The following GALNT2 variants were observed in gnomAD, a reference collection of about 807,000 sequenced individuals.
The protein encoded by GALNT2 is UDP-GalNAc:polypeptide N-acetylgalactosaminyltransferase 2.
In GALNT2, 31 loss-of-function variants were observed where a neutral mutation model predicts 81.4. The observed-to-expected ratio is 0.38, with a 90% CI of 0.29 to 0.51. The LOEUF (loss-of-function observed/expected upper bound fraction) is 0.51, where lower values mean the gene tolerates loss of function less well. Ranked by LOEUF, GALNT2 falls within the 20% of genes least tolerant of loss-of-function variation. The probability of loss-of-function intolerance (pLI) is 0.87; values close to 1 mark genes in which losing one functional copy is unlikely to be tolerated. For missense variants in GALNT2, 629 were observed against 765.7 expected, an observed-to-expected ratio of 0.82 and a Z score of 2.11; for synonymous variants, 303 against 287.4, an observed-to-expected ratio of 1.05 and a Z score of -0.55.
At chr1:230,185,301 T>TGTGTGTGTGTGCGCGCGC (rs58770415) in intron 2 of GALNT2, among the ~76,000 whole-genome samples, 6 of 126,012 alleles carry the variant, frequency 4.8e-5, no homozygotes, top group African/African-American at 1.4e-4. Context: ...TGTGTGTGTG[T>TGTGTGTGTGTGCGCGCGC]GCGCGCGTGT....
At chr1:230,204,512 G>A (rs73114030) in intron 3 of GALNT2, among the ~76,000 whole-genome samples, 2 of 151,946 alleles carry the variant, frequency 1.3e-5, no homozygotes, top group Non-Finnish European at 2.9e-5. Flanking sequence ...GTACTTTGGG[G>A]TCTATGAAGC....
chr1:230,243,000 A>G (rs569919010), intron 6 of GALNT2, among the ~76,000 whole-genome samples: 10 of 152,372 alleles, frequency 6.6e-5, no homozygotes, highest in Non-Finnish European at 1.2e-4. Flanking sequence ...GAATGTAGTT[A>G]TAAAAGTTCC....
In GALNT2 at chr1:230,239,670, T is replaced by C. The variant is rs547039723; in HGVS notation, c.607+2945T>C. On this transcript the variant is annotated intron_variant, in intron 6 of 15. Coordinates refer to ENST00000366672, the MANE Select transcript of GALNT2 (RefSeq NM_004481.5). ...CATTTACATGTGGCGTAATCATTGG[T>C]GTGACTAGGTTTGGGTCTGCTCTTC... Among the ~76,000 whole-genome samples the C allele has an allele frequency of 3.3e-5, 5 of 152,364 alleles. No homozygotes were observed. The East Asian group carries it at 9.6e-4, about 29-fold the overall frequency.
intron 2 of GALNT2, among the ~76,000 whole-genome samples, chr1:230,188,156 A>T (rs1053671468): frequency 2.6e-5 from 4 of 152,202 alleles, no homozygotes; most frequent in Admixed American, 2.0e-4. Context: ...AAAATACTTG[A>T]CAATGTCTGT....
At chr1:230,214,607 G>A (rs186687331) in intron 3 of GALNT2, among the ~76,000 whole-genome samples, 2 of 151,928 alleles carry the variant, frequency 1.3e-5, no homozygotes, top group Non-Finnish European at 2.9e-5. Flanking sequence ...CTTTTTTTCA[G>A]CAATTTTGCC....
chr1:230,173,854 C>G (rs1364138552), intron 1 of GALNT2, among the ~76,000 whole-genome samples: 1 of 152,098 alleles, frequency 6.6e-6, no homozygotes, highest in Non-Finnish European at 1.5e-5. Context: ...AAAACTTCCA[C>G]TGCAGAGTAG....
intron 2 of GALNT2, among the ~76,000 whole-genome samples, chr1:230,202,922 C>A (rs1320126926): frequency 6.6e-6 from 1 of 152,218 alleles, no homozygotes; most frequent in Non-Finnish European, 1.5e-5. Flanking sequence ...CTTTAACTTT[C>A]ATGCTGTAAA....
intron 1 of GALNT2, among the ~76,000 whole-genome samples, chr1:230,113,957 G>A (rs559030069): frequency 2.0e-5 from 3 of 152,110 alleles, no homozygotes; most frequent in South Asian, 2.1e-4. Flanking sequence ...TCTGACTCAC[G>A]GGGTGAGGCA....
chr1:230,185,999 C>T (rs1389219016), intron 2 of GALNT2, among the ~76,000 whole-genome samples: 1 of 152,196 alleles, frequency 6.6e-6, no homozygotes, highest in African/African-American at 2.4e-5. Flanking sequence ...GGGGCTGTGG[C>T]TTGTGACATT....
chr1:230,188,311 C>T (rs1410685697), intron 2 of GALNT2, among the ~76,000 whole-genome samples: 2 of 152,152 alleles, frequency 1.3e-5, no homozygotes, highest in South Asian at 2.1e-4. Context: ...GGGGAAGAAT[C>T]TGGAATTTGT....
Position 230,193,665 on chromosome 1 carries a change from A to G in GALNT2, c.221-9472A>G, listed in dbSNP as rs779922701. Among the ~76,000 whole-genome samples the G allele has an allele frequency of 6.6e-6, 1 of 152,138 alleles. No homozygotes were observed. Among genetic ancestry groups the G allele is most frequent in the Non-Finnish European group, 1.5e-5 (1 of 68,022 alleles). On this transcript the variant is annotated intron_variant, in intron 2 of 15. Coordinates refer to ENST00000366672, the MANE Select transcript of GALNT2 (RefSeq NM_004481.5). This position sits in a 1 kb window ranked among gnomAD's most constrained non-coding sequence, Gnocchi z 4.3. ...TGGCATTGTTTGGAAAGGTAGCATT[A>G]TTTTAAACCAACATTTATTTGAACA...
At chr1:230,197,649 A>G (rs1425602766) in intron 2 of GALNT2, among the ~76,000 whole-genome samples, 1 of 152,348 alleles carries the variant, frequency 6.6e-6, no homozygotes, top group South Asian at 2.1e-4. Flanking sequence ...TTTAGTTGTT[A>G]TAACAACCCC....
intron 14 of GALNT2, among the ~76,000 whole-genome samples, chr1:230,269,724 G>T (rs1040614671): frequency 8.8e-5 from 13 of 147,822 alleles, no homozygotes; most frequent in Non-Finnish European, 1.8e-4. Context: ...GGGAAGCTCC[G>T]TCTTTACAAA....
chr1:230,265,764 A>G (rs553351182), intron 14 of GALNT2, among the ~76,000 whole-genome samples: 11 of 152,220 alleles, frequency 7.2e-5, no homozygotes, highest in Non-Finnish European at 1.6e-4. Flanking sequence ...ATGCCTATAC[A>G]ACAGATTCTT....
chr1:230,186,234 G>A (rs1049653178), intron 2 of GALNT2, among the ~76,000 whole-genome samples: 2 of 152,156 alleles, frequency 1.3e-5, no homozygotes, highest in Non-Finnish European at 2.9e-5. Context: ...TTGGACAAGC[G>A]TCACCCCAGG....
chr1:230,096,183 G>T (rs1385383918), intron 1 of GALNT2, among the ~76,000 whole-genome samples: 2 of 152,170 alleles, frequency 1.3e-5, no homozygotes, highest in South Asian at 2.1e-4. Flanking sequence ...GCATTTTGGT[G>T]TCCTCTTGCT....
At chr1:230,185,301 T>TGTGTGTGCGCGCGCGC (rs58770415) in intron 2 of GALNT2, among the ~76,000 whole-genome samples, 1 of 126,012 alleles carries the variant, frequency 7.9e-6, no homozygotes, top group Non-Finnish European at 1.8e-5. Flanking sequence ...TGTGTGTGTG[T>TGTGTGTGCGCGCGCGC]GCGCGCGTGT....
At chr1:230,247,130 G>C (rs936033156) in intron 8 of GALNT2, among the ~76,000 whole-genome samples, 2 of 151,948 alleles carry the variant, frequency 1.3e-5, no homozygotes, top group Admixed American at 6.6e-5. Context: ...GCTACTCGGG[G>C]CTAAGGTGGG....
chr1:230,200,304 C>T (rs968726346), intron 2 of GALNT2, among the ~76,000 whole-genome samples: 3 of 152,134 alleles, frequency 2.0e-5, no homozygotes, highest in Non-Finnish European at 2.9e-5. Flanking sequence ...CCTCGTGATC[C>T]ACCTGCCTCG....
Sources: gnomAD v4.1 joint callset for allele counts (sites outside exome capture counted in the v4.1 genomes callset) on GRCh38, gnomAD v4.1.1 for gene constraint, Gnocchi (gnomAD v3.1) non-coding constraint, MANE v1.5 for transcripts, NCBI Gene and HGNC (gene_info 2026-07-23, HGNC 2026-07-21) for gene names.